The following PPP1CB variants were observed in gnomAD, a reference collection of about 807,000 sequenced individuals.
PPP1CB encodes the protein serine/threonine-protein phosphatase PP1-beta catalytic subunit.
PPP1CB carries 2 observed loss-of-function variants against 43.7 expected under a neutral mutation model. That is an observed-to-expected ratio of 0.05 (90% CI 0.02 to 0.14). The LOEUF is 0.14. Among genes scored for constraint, PPP1CB ranks in the 10% least tolerant of loss-of-function variants. The pLI is 1.00. For synonymous variants in PPP1CB, 136 were observed against 135.6 expected, an observed-to-expected ratio of 1.00 and a Z score of -0.02; for missense variants, 84 against 398.0, an observed-to-expected ratio of 0.21 and a Z score of 6.71.
intron 7 of PPP1CB, among the ~76,000 whole-genome samples, chr2:28,797,136 T>G (rs138392056): frequency 9.8e-5 from 15 of 152,294 alleles, no homozygotes; most frequent in African/African-American, 2.9e-4. Context: ...TTGATTGTGG[T>G]GAGTTAACTT....
intron 5 of PPP1CB, among the ~76,000 whole-genome samples, chr2:28,787,005 A>G (rs980407970): frequency 1.1e-4 from 16 of 152,170 alleles, no homozygotes; most frequent in Non-Finnish European, 2.9e-5. Context: ...TATCAATGAT[A>G]GAGATTGAAT....
rs1310065709 is a variant in PPP1CB, at chr2:28,802,525, G to A, written c.*3222G>A. 2.0e-5 allele frequency: 3 copies of A among 152,070 alleles called. No individual in the cohort carries two copies. The highest frequency in any genetic ancestry group is 4.4e-5 in the Non-Finnish European group (3 of 68,020). 9.4% of individuals were successfully genotyped at this position (152,070 alleles called of 1,614,324 possible). A position where few individuals can be genotyped will look rare whatever the true frequency, so the allele number is the denominator to read the frequency against. ...TTCCCTCTTCCTAGTAGATCTCAATGTTTTATAATTCCTTAAAACAGCTGA... is the reference window on the plus strand; with the variant it reads ...TTCCCTCTTCCTAGTAGATCTCAATATTTTATAATTCCTTAAAACAGCTGA... On this transcript the variant is annotated 3_prime_UTR_variant, in exon 8 of 8. Transcript: ENST00000395366.
At chr2:28,762,663 T>A (rs1666683362) in intron 1 of PPP1CB, among the ~76,000 whole-genome samples, 1 of 152,244 alleles carries the variant, frequency 6.6e-6, no homozygotes, top group Non-Finnish European at 1.5e-5. Context: ...CCATGAATTT[T>A]TATGTTCTCT....
At chr2:28,784,308 CA>C (rs1462919308) in intron 5 of PPP1CB, among the ~76,000 whole-genome samples, 3 of 152,164 alleles carry the variant, frequency 2.0e-5, no homozygotes, top group African/African-American at 4.8e-5. Flanking sequence ...TTAAATTAGA[CA>C]AAAGTTTTTT....
chr2:28,796,207 C>G (rs1399101193), intron 7 of PPP1CB, among the ~76,000 whole-genome samples: 1 of 151,898 alleles, frequency 6.6e-6, no homozygotes, highest in Non-Finnish European at 1.5e-5. Flanking sequence ...TATAATGTAC[C>G]TTGAAGTTTG....
At chr2:28,787,357 G>A (rs567985525) in intron 5 of PPP1CB, among the ~76,000 whole-genome samples, 1 of 152,272 alleles carries the variant, frequency 6.6e-6, no homozygotes, top group East Asian at 1.9e-4. Context: ...TACTCGGGAG[G>A]CTGAGGCAGG....
At chr2:28,796,728 G>GT (rs1255046927) in intron 7 of PPP1CB, among the ~76,000 whole-genome samples, 1 of 152,024 alleles carries the variant, frequency 6.6e-6, no homozygotes, top group Admixed American at 6.6e-5. Flanking sequence ...AGTAAAGATT[G>GT]TTTATCTTCC....
At chr2:28,776,728 C>T in intron 1 of PPP1CB, 123 bp from the exon 2 acceptor site, 2 of 761,162 alleles carry the variant, frequency 2.6e-6, no homozygotes, top group Non-Finnish European at 4.2e-6. Context: ...AACCATGGGA[C>T]CAAATAGGGT....
At chr2:28,791,778 CTTTTCAAAAATAAATGAT>C (rs1183756134) in intron 6 of PPP1CB, among the ~76,000 whole-genome samples, 1 of 152,084 alleles carries the variant, frequency 6.6e-6, no homozygotes, top group African/African-American at 2.4e-5. Flanking sequence ...ATTCACTGGT[CTTTTCAAAAATAAATGAT>C]GATTTTTAAA....
chr2:28,780,084 C>CTTTTTTTTTTTTTTTTTTTTTTTTTTTCT (rs10559224), intron 3 of PPP1CB, among the ~76,000 whole-genome samples: 2 of 131,796 alleles, frequency 1.5e-5, no homozygotes, highest in Non-Finnish European at 3.2e-5. Context: ...TCTTTTCTTT[C>CTTTTTTTTTTTTTTTTTTTTTTTTTTTCT]TTTTTTTTTT....
At chr2:28,781,639 A>C (rs1667160122) in intron 3 of PPP1CB, 99 bp from the exon 4 acceptor site, 1 of 824,502 alleles carries the variant, frequency 1.2e-6, no homozygotes, top group East Asian at 2.7e-5. Context: ...AACATGAAGA[A>C]ATGAAGAAAA....
intron 1 of PPP1CB, among the ~76,000 whole-genome samples, chr2:28,763,450 G>GA (rs1347786787): frequency 5.4e-5 from 6 of 110,126 alleles, no homozygotes; most frequent in Non-Finnish European, 1.4e-4. Flanking sequence ...TCAGTGCAGT[G>GA]GAAAAAAAAA....
chr2:28,758,034 A>AT (rs35158668), intron 1 of PPP1CB, among the ~76,000 whole-genome samples: 2 of 149,584 alleles, frequency 1.3e-5, no homozygotes, highest in African/African-American at 2.5e-5. Flanking sequence ...TGCATTTTTA[A>AT]TTTTTTTTAA....
At chr2:28,770,383 G>GT (rs1407231298) in intron 1 of PPP1CB, among the ~76,000 whole-genome samples, 1 of 42,900 alleles carries the variant, frequency 2.3e-5, no homozygotes. Context: ...TAAAAAAAAG[G>GT]GGGGGGGGAG....
chr2:28,756,013 T>G (rs1666480697), intron 1 of PPP1CB, among the ~76,000 whole-genome samples: 1 of 152,234 alleles, frequency 6.6e-6, no homozygotes, highest in Non-Finnish European at 1.5e-5. Flanking sequence ...ATATTTTTGT[T>G]TAAAGATACT....
chr2:28,751,789 T>TGGCGCTGCGGGTGGGGCCGTCGGC (rs1183504252), upstream of PPP1CB: 8 of 393,656 alleles, frequency 2.0e-5, no homozygotes, highest in Admixed American at 1.6e-4. Flanking sequence ...GCGGAGTGAG[T>TGGCGCTGCGGGTGGGGCCGTCGGC]GGCGCTGCGG....
In PPP1CB at chr2:28,760,318, G is replaced by A; in HGVS notation, c.52+8142G>A. 2.0e-5 allele frequency among the ~76,000 whole-genome samples: 3 copies of A among 152,070 alleles called. No individual in the cohort carries two copies. The South Asian group carries it at 6.2e-4, about 32-fold the overall frequency. On this transcript the variant is annotated intron_variant, in intron 1 of 7. Transcript: ENST00000395366. Reference sequence around the variant, plus strand: ...AAGTTTCTAAAGTAAAAAATGTTAAGTAAGCAAAGGTTAATTTATTCTTGA... The same window carrying A: ...AAGTTTCTAAAGTAAAAAATGTTAAATAAGCAAAGGTTAATTTATTCTTGA...
At chr2:28,795,615 T>C (rs752197163) in intron 7 of PPP1CB, among the ~76,000 whole-genome samples, 4 of 152,230 alleles carry the variant, frequency 2.6e-5, no homozygotes, top group Non-Finnish European at 5.9e-5. Flanking sequence ...TTTTGAGAAG[T>C]GTCTGTTCAT....
In PPP1CB at chr2:28,771,048, C is replaced by T. The variant is rs1202673024; in HGVS notation, c.53-5803C>T. ...ACCTACTTATTCCCTGCTCCCCCCCCCCCACCCTTTTTTTTTTTTTTTGAG... is the reference window on the plus strand; with the variant it reads ...ACCTACTTATTCCCTGCTCCCCCCCTCCCACCCTTTTTTTTTTTTTTTGAG... On this transcript the variant is annotated intron_variant, in intron 1 of 7. Transcript: ENST00000395366. Among the ~76,000 whole-genome samples, 3 of 99,130 alleles carry T rather than the reference C, an allele frequency of 3.0e-5. 1 individual carries two copies. The highest frequency in any genetic ancestry group is 1.1e-4 in the African/African-American group (3 of 26,938). The allele number at this position is 99,130 out of a possible 152,430, so 65.0% of individuals were successfully genotyped here. A position where few individuals can be genotyped will look rare whatever the true frequency, so the allele number is the denominator to read the frequency against.
Sources: allele counts gnomAD v4.1 joint callset (sites outside exome capture counted in the v4.1 genomes callset), GRCh38; gene constraint gnomAD v4.1.1; transcripts MANE v1.5; gene names NCBI Gene and HGNC (gene_info 2026-07-23, HGNC 2026-07-21).